SSH3: variants seen among roughly 807,000 people sequenced by gnomAD.
SSH3 encodes protein phosphatase Slingshot homolog 3.
SSH3 carries 67 observed loss-of-function variants against 75.0 expected under a neutral mutation model. The observed-to-expected ratio is 0.89, with a 90% CI of 0.73 to 1.10. SSH3 has a LOEUF of 1.10. Ranked by LOEUF, SSH3 falls within the 50% of genes least tolerant of loss-of-function variation. The probability of loss-of-function intolerance (pLI) is 0.00; values close to 1 mark genes in which losing one functional copy is unlikely to be tolerated. For missense variants in SSH3, 824 were observed against 872.7 expected (o/e 0.94, Z 0.70); for synonymous variants, 318 against 349.2 (o/e 0.91, Z 1.00).
In SSH3 at chr11:67,306,973, G is replaced by A. The variant is rs1861263172; in HGVS notation, c.464+11G>A. The A allele has an allele frequency of 1.2e-6, 2 of 1,612,106 alleles. No individual in the cohort carries two copies. The highest frequency in any genetic ancestry group is 8.5e-7 in the Non-Finnish European group (1 of 1,178,374). Reference sequence around the variant, plus strand: ...TTTCCCTGACAGCAGGTTCGAGCAGGGAGAGGAAAGGAGGGGCAAAGAGGT... The same window carrying A: ...TTTCCCTGACAGCAGGTTCGAGCAGAGAGAGGAAAGGAGGGGCAAAGAGGT... On this transcript the variant is annotated intron_variant, in intron 4 of 13. Transcript: ENST00000308127.
At chr11:67,306,781 G>C (rs1460859744) in intron 3 of SSH3, 57 bp from the exon 4 acceptor site, 1 of 1,544,464 alleles carries the variant, frequency 6.5e-7, no homozygotes, top group Non-Finnish European at 8.8e-7. Flanking sequence ...GGGGTGTCTA[G>C]GTGGGGAGCA....
Position 67,309,525 on chromosome 11 carries a change from G to A in SSH3, c.1190G>A (p.Arg397His), listed in dbSNP as rs757095531. 11 of 1,613,800 alleles carry A rather than the reference G, an allele frequency of 6.8e-6. No individual in the cohort carries two copies. The highest frequency in any genetic ancestry group is 6.7e-5 in the East Asian group (3 of 44,886). Residue 397 changes from arginine to histidine, a missense_variant, in exon 11 of 14, where the codon CGC becomes CAC. Transcript: ENST00000308127. ...QLLPHWKETH[R>H]FIEAARAQGT... ...CTGCCGCACTGGAAGGAGACGCACC[G>A]CTTCATTGAGGCTGCAAGGTCGGTC...
chr11:67,311,405 C>A (rs1428430807), intron 13 of SSH3, among the ~76,000 whole-genome samples, 186 bp from the exon 14 acceptor site: 1 of 152,178 alleles, frequency 6.6e-6, no homozygotes, highest in Non-Finnish European at 1.5e-5. Context: ...GGGTGTTGTC[C>A]TCCCTCCCGA....
Position 67,311,779 on chromosome 11 carries a change from G to A in SSH3, c.1872G>A (p.Gln624=), listed in dbSNP as rs1861422108. The A allele has an allele frequency of 1.2e-6, 2 of 1,612,918 alleles. No homozygotes were observed. Among genetic ancestry groups the A allele is most frequent in the Non-Finnish European group, 1.7e-6 (2 of 1,179,766 alleles). Residue 624 remains glutamine (Q), a synonymous_variant, in exon 14 of 14, where the codon CAG becomes CAA. Coordinates refer to ENST00000308127, the MANE Select transcript of SSH3 (RefSeq NM_017857.4). Reference sequence around the variant, plus strand: ...CCCAGGCCTTCCAGGAGCAGGAGCAGGGGCAGGGGCAGGGGCAGGGAGAGC... The same window carrying A: ...CCCAGGCCTTCCAGGAGCAGGAGCAAGGGCAGGGGCAGGGGCAGGGAGAGC... The part of the protein sequence containing the change: ...NRTQAFQEQE[Q]GQGQGQGEPC...
rs1861425064 is a variant in SSH3 at position 67,311,912 on chromosome 11, CT to C, written c.*26del. The C allele has an allele frequency of 1.2e-6, 2 of 1,601,608 alleles. No individual in the cohort carries two copies. Among genetic ancestry groups the C allele is most frequent in the South Asian group, 2.2e-5 (2 of 90,310 alleles). ...AGCCCTCACACATGCCCACGCTCCC[CT>C]GACACTGAAGAGGATCCACAACTCC... On this transcript the variant is annotated 3_prime_UTR_variant, in exon 14 of 14. Coordinates refer to ENST00000308127, the MANE Select transcript of SSH3 (RefSeq NM_017857.4).
In SSH3 at chr11:67,308,393, G is replaced by A. The variant is rs1471446530; in HGVS notation, c.1015-19G>A. The A allele has an allele frequency of 2.5e-6, 4 of 1,613,652 alleles. No homozygotes were observed. In the South Asian group the frequency reaches 4.4e-5, roughly 18 times the overall value. On this transcript the variant is annotated intron_variant, in intron 9 of 13. Transcript: ENST00000308127. This position sits in a 1 kb window ranked among gnomAD's most constrained non-coding sequence, Gnocchi z 4.9. ...AGAGGCTGGAGGAGAGGAGAAATGT[G>A]CTGTTCCCTCTCTCCCAGGGCTCAG...
Position 67,308,123 on chromosome 11 carries a change from G to T in SSH3, c.886-51G>T. The T allele has an allele frequency of 1.9e-6, 3 of 1,594,814 alleles. No homozygotes were observed. Among genetic ancestry groups the T allele is most frequent in the Non-Finnish European group, 2.6e-6 (3 of 1,170,602 alleles). The stretch of plus-strand genomic sequence containing the variant: ...AGAGGTCCCAGAGGGAAGGTGGCAG[G>T]TTGGGCACTAGGAGAGCCCCAGCCT... On this transcript the variant is annotated intron_variant, in intron 8 of 13. Transcript: ENST00000308127. This position sits in a 1 kb window ranked among gnomAD's most constrained non-coding sequence, Gnocchi z 4.9.
Position 67,307,327 on chromosome 11 carries a change from G to A in SSH3, c.537-44G>A, listed in dbSNP as rs149077653. 1,031 of 1,611,124 alleles carry A rather than the reference G, an allele frequency of 6.4e-4. 8 individuals are homozygous for A. In the African/African-American group the frequency reaches 0.01, roughly 16 times the overall value. On this transcript the variant is annotated intron_variant, in intron 5 of 13. Coordinates refer to ENST00000308127, the MANE Select transcript of SSH3 (RefSeq NM_017857.4). This position sits in a 1 kb window ranked among gnomAD's most constrained non-coding sequence, Gnocchi z 4.2. ...CCAGCAAAAGGATGGGTTCTCTGTC[G>A]CAGAGCCTGGAGTCTGGCCTCACCT...
chr11:67,308,189 G>A lies in SSH3; in HGVS notation c.901G>A (p.Glu301Lys). The change falls in exon 9 of 14, where the codon GAG (glutamate) becomes AAG (lysine). Residue 301 changes from glutamate (E) to lysine (K), a missense_variant. Coordinates refer to ENST00000308127, the MANE Select transcript of SSH3 (RefSeq NM_017857.4). The surrounding 1 kb of genome is among the most constrained non-coding windows in gnomAD (Gnocchi z 4.9). ...CTGCCTGCAGATCCGCCAGGCTCTG[G>A]AGCTGCGCCTGGGGCTCCCCCTCCA... is the stretch of plus-strand genomic sequence containing the variant. ...VTSKEIRQAL[E>K]LRLGLPLQQY... 1 of 1,613,732 alleles carries A rather than the reference G, an allele frequency of 6.2e-7. No individual in the cohort carries two copies. Among genetic ancestry groups the A allele is most frequent in the Non-Finnish European group, 8.5e-7 (1 of 1,179,964 alleles).
chr11:67,306,118 T>C (rs945639932), intron 3 of SSH3, among the ~76,000 whole-genome samples: 1 of 151,310 alleles, frequency 6.6e-6, no homozygotes, highest in African/African-American at 2.4e-5. Flanking sequence ...TGAAACCCCG[T>C]GTCTACTAAA....
rs533533864 is a variant in SSH3 at position 67,306,113 on chromosome 11, C to A, written c.340-725C>A. Among the ~76,000 whole-genome samples, 16 of 150,488 alleles carry A rather than the reference C, an allele frequency of 1.1e-4. No homozygotes were observed. The East Asian group carries it at 2.8e-3, about 26-fold the overall frequency. On this transcript the variant is annotated intron_variant, in intron 3 of 13. Coordinates refer to ENST00000308127, the MANE Select transcript of SSH3 (RefSeq NM_017857.4). ...GACCATCCTGGCTAACACGGTGAAA[C>A]CCCGTGTCTACTAAAAACACAAAAA...
rs1861425112 is a variant in SSH3, at chr11:67,311,914, G to A, written c.*27G>A. ...CCCTCACACATGCCCACGCTCCCCT[G>A]ACACTGAAGAGGATCCACAACTCCT... On this transcript the variant is annotated 3_prime_UTR_variant, in exon 14 of 14. Transcript: ENST00000308127. 1 of 1,599,442 alleles carries A rather than the reference G, an allele frequency of 6.3e-7. No individual in the cohort carries two copies. Among genetic ancestry groups the A allele is most frequent in the Admixed American group, 1.8e-5 (1 of 54,732 alleles).
intron 13 of SSH3, 119 bp from the exon 14 acceptor site, chr11:67,311,472 C>G: frequency 7.6e-7 from 1 of 1,317,216 alleles, no homozygotes; most frequent in Non-Finnish European, 1.1e-6. Context: ...ACATTCCGGC[C>G]CTCGCCTCCT....
intron 1 of SSH3, 75 bp downstream of exon 1, chr11:67,303,766 G>A (rs1861135526): frequency 7.2e-7 from 1 of 1,382,182 alleles, no homozygotes; most frequent in African/African-American, 1.5e-5. Context: ...CCCGCCAGCG[G>A]GCTCCTCTCG....
rs545541754 is a variant in SSH3, at chr11:67,312,158, CT to C, written c.*274del. The C allele has an allele frequency of 3.6e-5, 19 of 534,802 alleles. No homozygotes were observed. Among genetic ancestry groups the C allele is most frequent in the Non-Finnish European group, 6.2e-5 (19 of 304,258 alleles). 33.1% of individuals were successfully genotyped at this position (534,802 alleles called of 1,614,324 possible). ...GATGTGGTAGAGGGACTGAAGGTAC[CT>C]TTGGGGGCAACAGCACCCTAGTTTC... On this transcript the variant is annotated 3_prime_UTR_variant, in exon 14 of 14. Transcript: ENST00000308127.
In SSH3 at chr11:67,307,971, C is replaced by G; in HGVS notation, c.885+32C>G. 1.2e-6 allele frequency: 2 copies of G among 1,611,174 alleles called. No homozygotes were observed. The highest frequency in any genetic ancestry group is 4.5e-5 in the East Asian group (2 of 44,858). ...AGGGGGCCCGGGGACTGAGTCCCCT[C>G]TAGCAGGGGCTGCAAGCTTGCCTTT... On this transcript the variant is annotated intron_variant, in intron 8 of 13. Transcript: ENST00000308127. This position sits in a 1 kb window ranked among gnomAD's most constrained non-coding sequence, Gnocchi z 4.2.
chr11:67,310,545 C>T (rs896229252), intron 13 of SSH3, among the ~76,000 whole-genome samples: 8 of 152,184 alleles, frequency 5.3e-5, no homozygotes, highest in Admixed American at 3.9e-4. Context: ...TCTTAGCACC[C>T]GGCGTCTCCA....
In SSH3 at chr11:67,309,870, G is replaced by A; in HGVS notation, c.1311G>A (p.Glu437=). The A allele has an allele frequency of 6.2e-7, 1 of 1,612,772 alleles. No individual in the cohort carries two copies. Among genetic ancestry groups the A allele is most frequent in the Non-Finnish European group, 8.5e-7 (1 of 1,180,014 alleles). ...YAMKQYECSL[E]QALRHVQELR... ...TGAAGCAGTACGAATGCAGCCTGGA[G>A]CAGGCCCTGCGCCACGTGCAGGAGC... The change falls in exon 12 of 14, where the codon GAG becomes GAA. Residue 437 remains glutamate, a synonymous_variant. Coordinates refer to ENST00000308127, the MANE Select transcript of SSH3 (RefSeq NM_017857.4).
chr11:67,306,480 T>C (rs1202792038), intron 3 of SSH3, among the ~76,000 whole-genome samples: 1 of 151,868 alleles, frequency 6.6e-6, no homozygotes, highest in Non-Finnish European at 1.5e-5. Context: ...ATGGGCCTGA[T>C]GTCCCAGCAA....
Sources: allele counts gnomAD v4.1 joint callset (sites outside exome capture counted in the v4.1 genomes callset), GRCh38; gene constraint gnomAD v4.1.1; non-coding constraint Gnocchi (gnomAD v3.1); transcripts MANE v1.5; gene names NCBI Gene and HGNC (gene_info 2026-07-23, HGNC 2026-07-21).